GTPBP2: variants seen among roughly 807,000 people sequenced by gnomAD.
GTPBP2 encodes GTP binding protein 2.
A neutral mutation model predicts 63.0 loss-of-function variants in GTPBP2; 32 were observed. The ratio of observed to expected loss-of-function variants is 0.51; its 90% CI spans 0.38 to 0.68. The LOEUF is 0.68. GTPBP2 is among the 30% of genes least tolerant of loss of function. The probability of loss-of-function intolerance (pLI) is 0.00; values close to 1 mark genes in which losing one functional copy is unlikely to be tolerated. For synonymous variants in GTPBP2, 310 were observed against 322.6 expected, an observed-to-expected ratio of 0.96 and a Z score of 0.42; for missense variants, 492 against 796.9, an observed-to-expected ratio of 0.62 and a Z score of 4.61.
chr6:43,625,687 G>C lies in GTPBP2; in HGVS notation c.507+69C>G. On this transcript the variant is annotated intron_variant, in intron 4 of 11. Coordinates refer to ENST00000307126, the MANE Select transcript of GTPBP2 (RefSeq NM_019096.5). The surrounding 1 kb of genome is among the most constrained non-coding windows in gnomAD (Gnocchi z 5.1). ...GGAAGCCCCCAGGATCCCAGGCCAG[G>C]AGACAGCCTGCCACCACAGGGCCCT... 1.4e-6 allele frequency: 2 copies of C among 1,438,646 alleles called. No individual in the cohort carries two copies. Among genetic ancestry groups the C allele is most frequent in the Non-Finnish European group, 2.0e-6 (2 of 1,020,174 alleles). The allele number at this position is 1,438,646 out of a possible 1,614,324, so 89.1% of individuals were successfully genotyped here. A position where few individuals can be genotyped will look rare whatever the true frequency, so the allele number is the denominator to read the frequency against.
chr6:43,629,167 C>G lies in GTPBP2; in HGVS notation c.-5G>C. On this transcript the variant is annotated 5_prime_UTR_variant, in exon 1 of 12. Transcript: ENST00000307126. Reference sequence around the variant, plus strand: ...CTCCGATACCCGCGAGTCCATCCGCCGCTGCCGCCAGCCCCCCGCCCGGCC... The same window carrying G: ...CTCCGATACCCGCGAGTCCATCCGCGGCTGCCGCCAGCCCCCCGCCCGGCC... The G allele has an allele frequency of 1.4e-6, 2 of 1,419,706 alleles. No individual in the cohort carries two copies. The highest frequency in any genetic ancestry group is 1.8e-6 in the Non-Finnish European group (2 of 1,095,700). 87.9% of individuals were successfully genotyped at this position (1,419,706 alleles called of 1,614,324 possible).
In GTPBP2 at chr6:43,625,833, G is replaced by A. The variant is rs1554143844; in HGVS notation, c.430C>T (p.Arg144Ter). The change falls in exon 4 of 12, where the codon CGA becomes TGA. Residue 144 changes from arginine to a stop codon, truncating the protein, a stop_gained. Transcript: ENST00000307126. LOFTEE classifies it high-confidence loss of function. This position sits in a 1 kb window ranked among gnomAD's most constrained non-coding sequence, Gnocchi z 5.1. ...VGADITVLRE[R>*]EVDYDSDMPR... ...ATGTCGCTATCATAATCCACTTCTC[G>A]CTCTCGAAGAACGGTTATGTCTGCC... is the stretch of plus-strand genomic sequence containing the variant. 1 of 1,613,886 alleles carries A rather than the reference G, an allele frequency of 6.2e-7. No homozygotes were observed. Among genetic ancestry groups the A allele is most frequent in the Non-Finnish European group, 8.5e-7 (1 of 1,179,900 alleles).
Position 43,621,606 on chromosome 6 carries a change from T to C in GTPBP2, c.*8A>G. 1 of 1,614,092 alleles carries C rather than the reference T, an allele frequency of 6.2e-7. No homozygotes were observed. Among genetic ancestry groups the C allele is most frequent in the Admixed American group, 1.7e-5 (1 of 60,018 alleles). On this transcript the variant is annotated 3_prime_UTR_variant, in exon 12 of 12. Coordinates refer to ENST00000307126, the MANE Select transcript of GTPBP2 (RefSeq NM_019096.5). ...GGACAGCAATAGAACTGTCCCTGCC[T>C]GAAGGGTTCAGAAGCCCATGTTGGC...
Position 43,624,927 on chromosome 6 carries a change from C to A in GTPBP2, c.841G>T (p.Asp281Tyr). Residue 281 changes from aspartate to tyrosine, a missense_variant, in exon 6 of 12, where the codon GAC (aspartate) becomes TAC (tyrosine). By Grantham distance (160) the Asp-to-Tyr change is radical. Coordinates refer to ENST00000307126, the MANE Select transcript of GTPBP2 (RefSeq NM_019096.5). The surrounding 1 kb of genome is among the most constrained non-coding windows in gnomAD (Gnocchi z 5.1). ...TIFGLTSYCP[D>Y]CALLLVSANT... Reference sequence around the variant, plus strand: ...GCACTGACGAGGAGCAGGGCGCAGTCGGGGCAGTATGATGTGAGGCCAAAG... The same window carrying A: ...GCACTGACGAGGAGCAGGGCGCAGTAGGGGCAGTATGATGTGAGGCCAAAG... 1 of 1,614,124 alleles carries A rather than the reference C, an allele frequency of 6.2e-7. No homozygotes were observed. The highest frequency in any genetic ancestry group is 8.5e-7 in the Non-Finnish European group (1 of 1,180,024).
chr6:43,628,129 C>T (rs111988543), intron 1 of GTPBP2, among the ~76,000 whole-genome samples: 44 of 152,284 alleles, frequency 2.9e-4, no homozygotes, highest in African/African-American at 9.6e-4. Flanking sequence ...TTTGGGAGGC[C>T]GAGGCGGGTG....
chr6:43,630,041 G>C (rs1426799337), upstream of GTPBP2, among the ~76,000 whole-genome samples: 1 of 152,206 alleles, frequency 6.6e-6, no homozygotes, highest in Non-Finnish European at 1.5e-5. Context: ...CAATCGGGAA[G>C]AACTGAGTTT....
In GTPBP2 at chr6:43,625,078, G is replaced by A; in HGVS notation, c.706-16C>T. On this transcript the variant is annotated splice_polypyrimidine_tract_variant and intron_variant, in intron 5 of 11. Coordinates refer to ENST00000307126, the MANE Select transcript of GTPBP2 (RefSeq NM_019096.5). The surrounding 1 kb of genome is among the most constrained non-coding windows in gnomAD (Gnocchi z 5.1). ...AATTCACCACCTGGCCCAGGGCCCA[G>A]GGCCCTCAGTGCCTCCTGCCAGCCC... 2 of 1,612,104 alleles carry A rather than the reference G, an allele frequency of 1.2e-6. No homozygotes were observed. Among genetic ancestry groups the A allele is most frequent in the Non-Finnish European group, 8.5e-7 (1 of 1,179,352 alleles).
chr6:43,629,393 C>G (rs1769747250), upstream of GTPBP2: 1 of 565,236 alleles, frequency 1.8e-6, no homozygotes, highest in Admixed American at 3.6e-5. Context: ...CACGTCGCCG[C>G]CCTACAACTC....
At chr6:43,628,494 GTGTGTGTGTGTAGT>G in intron 1 of GTPBP2, 1 of 844,000 alleles carries the variant, frequency 1.2e-6, no homozygotes, top group Non-Finnish European at 1.4e-6. Flanking sequence ...GTGTGTGTGT[GTGTGTGTGTGTAGT>G]GAACATACTG....
rs1769065026 is a variant in GTPBP2, at chr6:43,623,947, G to A, written c.1222C>T (p.Leu408=). ...CAGTCAACTACCTGGAACTCCGTCA[G>A]CTGCTGCATGAGTTCCTCCTGCTCT... ...SKEQEELMQQ[L]TEFQVDEIYT... The change falls in exon 8 of 12, where the codon CTG becomes TTG. Residue 408 remains leucine, a synonymous_variant. Transcript: ENST00000307126. 6.2e-7 allele frequency: 1 copy of A among 1,614,086 alleles called. No homozygotes were observed. Among genetic ancestry groups the A allele is most frequent in the African/African-American group, 1.3e-5 (1 of 75,062 alleles).
Position 43,626,253 on chromosome 6 carries a change from A to G in GTPBP2, c.371T>C (p.Leu124Pro), listed in dbSNP as rs1196498706. 6.2e-7 allele frequency: 1 copy of G among 1,614,138 alleles called. No homozygotes were observed. Residue 124 changes from leucine to proline, a missense_variant, in exon 3 of 12, where the codon CTC (leucine) becomes CCC (proline). Leu to Pro is a moderately conservative substitution (Grantham distance 98, BLOSUM62 -3). Around this residue, in one of 2 missense-constraint regions of GTPBP2, gnomAD observed 400 missense variants for 710.8 expected, o/e 0.56. Transcript: ENST00000307126. The surrounding 1 kb of genome is among the most constrained non-coding windows in gnomAD (Gnocchi z 4.0). ...CTCTGCCATCCGGTGCAGGGTCTTGAGCGAAGCTCGCATTTCCTCCTCAGC... is the reference window on the plus strand; with the variant it reads ...CTCTGCCATCCGGTGCAGGGTCTTGGGCGAAGCTCGCATTTCCTCCTCAGC... The part of the protein sequence containing the change: ...GLAEEEMRAS[L>P]KTLHRMAEKV...
intron 9 of GTPBP2, chr6:43,623,468 T>C (rs1329826038): frequency 1.9e-6 from 1 of 521,630 alleles, no homozygotes; most frequent in African/African-American, 1.9e-5. Context: ...GTCAGTTGAA[T>C]ACACTCTAGT....
rs746139661 is a variant in GTPBP2, at chr6:43,624,716, C to A, written c.894G>T (p.Arg298Ser). ...SANTGIAGTT[R>S]EHLGLALALK... Reference sequence around the variant, plus strand: ...GGGCCAGGGCCAGCCCCAGATGTTCCCTTGTGGTGCCAGCTGCCTCATAAG... The same window carrying A: ...GGGCCAGGGCCAGCCCCAGATGTTCACTTGTGGTGCCAGCTGCCTCATAAG... The change falls in exon 7 of 12, where the codon AGG becomes AGT. Residue 298 changes from arginine to serine, a missense_variant. This residue lies in a region of GTPBP2 where 400 missense variants were observed against 710.8 expected (regional missense o/e 0.56). Coordinates refer to ENST00000307126, the MANE Select transcript of GTPBP2 (RefSeq NM_019096.5). This position sits in a 1 kb window ranked among gnomAD's most constrained non-coding sequence, Gnocchi z 5.1. 3.7e-6 allele frequency: 6 copies of A among 1,613,640 alleles called. No homozygotes were observed. Among genetic ancestry groups the A allele is most frequent in the Non-Finnish European group, 5.1e-6 (6 of 1,179,968 alleles).
rs758257569 is a variant in GTPBP2 at position 43,621,542 on chromosome 6, G to A, written c.*72C>T. ...CTATTAACACACAGAGCCGCCAATG[G>A]CAGGGCAGCATGGCCAGAAGTCACC... On this transcript the variant is annotated 3_prime_UTR_variant, in exon 12 of 12. Transcript: ENST00000307126. The A allele has an allele frequency of 2.5e-6, 4 of 1,610,460 alleles. No individual in the cohort carries two copies. The highest frequency in any genetic ancestry group is 3.4e-5 in the Admixed American group (2 of 59,200).
At position 43,626,117 on chromosome 6, in the gene GTPBP2, G is replaced by T; in HGVS notation, c.398+109C>A. The T allele has an allele frequency of 9.4e-7, 1 of 1,066,304 alleles. No individual in the cohort carries two copies. The highest frequency in any genetic ancestry group is 1.4e-6 in the Non-Finnish European group (1 of 711,892). 66.1% of individuals were successfully genotyped at this position (1,066,304 alleles called of 1,614,324 possible). A position where few individuals can be genotyped will look rare whatever the true frequency, so the allele number is the denominator to read the frequency against. On this transcript the variant is annotated intron_variant, in intron 3 of 11. Transcript: ENST00000307126. The surrounding 1 kb of genome is among the most constrained non-coding windows in gnomAD (Gnocchi z 4.0). ...CTAACCCTCCCCACTTCAGCCCTTT[G>T]TCAAGAGAAGGAAAGTCCCACCTTG... is the stretch of plus-strand genomic sequence containing the variant.
In GTPBP2 at chr6:43,621,464, C is replaced by T; in HGVS notation, c.*150G>A. ...CCTGGCCACACCAAGTTTGGCACCT[C>T]TCCAGAAAGTTGGCAGGGAGCAAGT... On this transcript the variant is annotated 3_prime_UTR_variant, in exon 12 of 12. Transcript: ENST00000307126. The T allele has an allele frequency of 6.5e-7, 1 of 1,550,146 alleles. No individual in the cohort carries two copies. The highest frequency in any genetic ancestry group is 8.7e-7 in the Non-Finnish European group (1 of 1,146,236).
chr6:43,622,943 G>T lies in GTPBP2; in HGVS notation c.1296-139C>A. The T allele has an allele frequency of 3.2e-6, 2 of 634,068 alleles. No homozygotes were observed. Among genetic ancestry groups the T allele is most frequent in the Admixed American group, 2.9e-5 (1 of 34,034 alleles). 39.3% of individuals were successfully genotyped at this position (634,068 alleles called of 1,614,324 possible). On this transcript the variant is annotated intron_variant, in intron 9 of 11. Transcript: ENST00000307126. The surrounding 1 kb of genome is among the most constrained non-coding windows in gnomAD (Gnocchi z 5.4). ...AAGAACCCTAAATTCTGACTTGGATGTAACAGGGCTCACTGCCAGAGTTCA... is the reference window on the plus strand; with the variant it reads ...AAGAACCCTAAATTCTGACTTGGATTTAACAGGGCTCACTGCCAGAGTTCA...
intron 1 of GTPBP2, among the ~76,000 whole-genome samples, chr6:43,628,232 C>T (rs1414932700): frequency 1.3e-5 from 2 of 151,972 alleles, no homozygotes; most frequent in East Asian, 3.9e-4. Flanking sequence ...GGCGTGGTGG[C>T]GGGCACCTGT....
upstream of GTPBP2, among the ~76,000 whole-genome samples, chr6:43,630,668 G>A (rs1441959059): frequency 6.6e-6 from 1 of 151,794 alleles, no homozygotes; most frequent in Non-Finnish European, 1.5e-5. Context: ...GCTTGAACCC[G>A]GGAGGCGGAG....
Sources: gnomAD v4.1 joint callset for allele counts (sites outside exome capture counted in the v4.1 genomes callset) on GRCh38, gnomAD v4.1.1 for gene constraint, gnomAD v4.1.1 regional missense constraint, Gnocchi (gnomAD v3.1) non-coding constraint, MANE v1.5 for transcripts, NCBI Gene and HGNC (gene_info 2026-07-23, HGNC 2026-07-21) for gene names.